RUNX1T1: variants seen among roughly 807,000 people sequenced by gnomAD.
The protein encoded by RUNX1T1 is RUNX1 partner transcriptional co-repressor 1, also known as protein CBFA2T1.
A neutral mutation model predicts 62.8 loss-of-function variants in RUNX1T1; 4 were observed. That is an observed-to-expected ratio of 0.06 (90% CI 0.03 to 0.15). The LOEUF is 0.15. RUNX1T1 is among the 10% of genes least tolerant of loss of function. RUNX1T1 has a pLI of 1.00. For missense variants in RUNX1T1, 508 were observed against 754.3 expected (o/e 0.67, Z 3.82); for synonymous variants, 291 against 286.0 (o/e 1.02, Z -0.18).
At chr8:91,955,078 C>A (rs149000197), downstream of RUNX1T1, 75 of 210,354 alleles carry the variant, frequency 3.6e-4, no homozygotes, top group African/African-American at 1.6e-3. Context: ...AGGGAAATAG[C>A]TCAATGTTCT....
At chr8:91,961,737 C>T (rs960860715) in intron 10 of RUNX1T1, among the ~76,000 whole-genome samples, 1 of 152,106 alleles carries the variant, frequency 6.6e-6, no homozygotes, top group Non-Finnish European at 1.5e-5. Context: ...TTGGCAAGAC[C>T]GATCCCATTA....
chr8:91,958,092 C>T, downstream of RUNX1T1: 1 of 125,080 alleles, frequency 8.0e-6, no homozygotes, highest in Non-Finnish European at 1.6e-5. Context: ...ACATTTAACC[C>T]TCCCCCCACC....
At chr8:92,022,288 G>C (rs962220022) in intron 1 of RUNX1T1, among the ~76,000 whole-genome samples, 1 of 152,104 alleles carries the variant, frequency 6.6e-6, no homozygotes, top group South Asian at 2.1e-4. Flanking sequence ...TATACACAGA[G>C]AGAGGATAGA....
chr8:91,956,209 C>G (rs1431226808), downstream of RUNX1T1: 2 of 231,112 alleles, frequency 8.7e-6, no homozygotes, highest in African/African-American at 4.4e-5. Flanking sequence ...AGCAGCTAAT[C>G]TAGGCAAGCC....
At chr8:92,060,547 A>ATGTG (rs1394920440) in intron 1 of RUNX1T1, among the ~76,000 whole-genome samples, 8 of 102,796 alleles carry the variant, frequency 7.8e-5, no homozygotes, top group African/African-American at 2.9e-4. Context: ...ATATATATAT[A>ATGTG]TATATATGTG....
intron 1 of RUNX1T1, 86 bp from the exon 2 acceptor site, chr8:92,076,223 G>T: frequency 9.6e-7 from 1 of 1,041,634 alleles, no homozygotes; most frequent in Non-Finnish European, 1.3e-6. Flanking sequence ...GATAACACTA[G>T]GCCAGTTTTG....
chr8:92,017,567 T>C (rs2131171958), intron 1 of RUNX1T1: 2 of 1,445,976 alleles, frequency 1.4e-6, no homozygotes, highest in East Asian at 5.1e-5. Context: ...CAGGACCTCA[T>C]TTGTAACTAG....
chr8:92,073,040 C>A (rs2130748675), intron 2 of RUNX1T1, among the ~76,000 whole-genome samples: 1 of 152,268 alleles, frequency 6.6e-6, no homozygotes, highest in Middle Eastern at 3.4e-3. Context: ...GTCATTCTTT[C>A]CTCCCAAGCT....
intron 7 of RUNX1T1, 118 bp downstream of exon 8, chr8:91,986,769 A>G (rs1816652442): frequency 1.4e-6 from 1 of 702,086 alleles, no homozygotes; most frequent in African/African-American, 1.8e-5. Flanking sequence ...TTTTTTTTTC[A>G]AGGATAGCAG....
intron 8 of RUNX1T1, among the ~76,000 whole-genome samples, chr8:91,978,914 T>C (rs184903185): frequency 5.1e-4 from 78 of 152,338 alleles, no homozygotes; most frequent in Non-Finnish European, 8.7e-4. Context: ...AAACTTTAAC[T>C]GACATAGAAA....
chr8:92,078,492 A>G (rs1364653399), intron 1 of RUNX1T1, among the ~76,000 whole-genome samples: 2 of 152,174 alleles, frequency 1.3e-5, no homozygotes, highest in African/African-American at 4.8e-5. Context: ...TACTGAGAAA[A>G]GTTTAAAAGC....
chr8:91,981,508 G>T (rs963916916), intron 8 of RUNX1T1, among the ~76,000 whole-genome samples: 1 of 143,302 alleles, frequency 7.0e-6, no homozygotes, highest in African/African-American at 2.6e-5. Flanking sequence ...TCCTCCTCCA[G>T]GGTTCAAGCA....
intron 1 of RUNX1T1, among the ~76,000 whole-genome samples, chr8:92,088,542 G>A (rs1489638727): frequency 6.6e-6 from 1 of 152,180 alleles, no homozygotes; most frequent in Non-Finnish European, 1.5e-5. Context: ...CAATACAGCT[G>A]TGCTATTTCC....
chr8:92,046,889 A>G (rs960259352), intron 1 of RUNX1T1, among the ~76,000 whole-genome samples: 2 of 152,230 alleles, frequency 1.3e-5, no homozygotes, highest in Admixed American at 1.3e-4. Context: ...ATTGGATTGG[A>G]TGACAGTAAA....
At chr8:92,092,577 G>A (rs1552314) in intron 1 of RUNX1T1, among the ~76,000 whole-genome samples, 96,914 of 152,140 alleles carry the variant, frequency 0.64, 35,902 homozygotes, top group East Asian at 0.99. Flanking sequence ...TGTTAACTTT[G>A]TTACAACAGT....
At chr8:91,958,608 A>T (rs1809716175), downstream of RUNX1T1, 1 of 179,342 alleles carries the variant, frequency 5.6e-6, no homozygotes, top group African/African-American at 2.4e-5. Flanking sequence ...TTGTTATTTT[A>T]TTTTTTTAAA....
intron 1 of RUNX1T1, among the ~76,000 whole-genome samples, chr8:92,047,032 G>A (rs1015702192): frequency 2.0e-5 from 3 of 152,116 alleles, no homozygotes; most frequent in South Asian, 2.1e-4. Context: ...TCAACCAAGC[G>A]CTGGGCAGCG....
intron 1 of RUNX1T1, among the ~76,000 whole-genome samples, chr8:92,041,665 C>T (rs889958574): frequency 6.6e-6 from 1 of 152,082 alleles, no homozygotes; most frequent in African/African-American, 2.4e-5. Context: ...TCACTTGAAC[C>T]CAGGCAGCAG....
At chr8:91,968,885 T>C (rs1812194665) in intron 10 of RUNX1T1, among the ~76,000 whole-genome samples, 1 of 152,100 alleles carries the variant, frequency 6.6e-6, no homozygotes, top group Non-Finnish European at 1.5e-5. Context: ...CATGATAAAA[T>C]TGAAGCTTTT....
Sources: gnomAD v4.1 joint callset for allele counts (sites outside exome capture counted in the v4.1 genomes callset) on GRCh38, gnomAD v4.1.1 for gene constraint, MANE v1.5 for transcripts, NCBI Gene and HGNC (gene_info 2026-07-23, HGNC 2026-07-21) for gene names.